DOK5: variants seen among roughly 807,000 people sequenced by gnomAD.
The protein encoded by DOK5 is downstream of tyrosine kinase 5.
Under a neutral mutation model 43.3 loss-of-function variants are expected in DOK5, and 27 were observed. The ratio of observed to expected loss-of-function variants is 0.62; its 90% confidence interval spans 0.46 to 0.86. The LOEUF is 0.86. DOK5 is among the 40% of genes least tolerant of loss of function. The probability of loss-of-function intolerance (pLI) is 0.00; values close to 1 mark genes in which losing one functional copy is unlikely to be tolerated. For missense variants in DOK5, 373 were observed against 392.9 expected (o/e 0.95, Z 0.43); for synonymous variants, 146 against 140.1 (o/e 1.04, Z -0.30).
chr20:54,492,058 T>A (rs893980510), intron 1 of DOK5, among the ~76,000 whole-genome samples: 3 of 151,830 alleles, frequency 2.0e-5, no homozygotes, highest in African/African-American at 7.3e-5. Context: ...GACATATATA[T>A]CATATATATA....
intron 5 of DOK5, among the ~76,000 whole-genome samples, chr20:54,605,011 AAATATAT>A (rs1327384349): frequency 2.7e-5 from 3 of 112,058 alleles, no homozygotes; most frequent in African/African-American, 1.6e-4. Context: ...CAAAAAAAAA[AAATATAT>A]ATATATACAC....
chr20:54,605,032 C>CACACACACACACACACGTAT (rs1986427045), intron 5 of DOK5, among the ~76,000 whole-genome samples: 1 of 142,940 alleles, frequency 7.0e-6, no homozygotes, highest in Non-Finnish European at 1.5e-5. Context: ...TATACACACA[C>CACACACACACACACACGTAT]ACACACACAC....
intron 1 of DOK5, among the ~76,000 whole-genome samples, chr20:54,509,837 C>A (rs941890229): frequency 6.6e-6 from 1 of 151,898 alleles, no homozygotes; most frequent in African/African-American, 2.4e-5. Flanking sequence ...CCACCTGTCC[C>A]GAAAACTAAT....
chr20:54,546,842 T>C (rs1342730064), intron 1 of DOK5, among the ~76,000 whole-genome samples: 3 of 152,172 alleles, frequency 2.0e-5, no homozygotes, highest in Non-Finnish European at 4.4e-5. Flanking sequence ...ACCTTAATTG[T>C]AGAACAGTGA....
At chr20:54,480,061 A>G (rs1981606849) in intron 1 of DOK5, among the ~76,000 whole-genome samples, 1 of 151,972 alleles carries the variant, frequency 6.6e-6, no homozygotes, top group Admixed American at 6.6e-5. Flanking sequence ...CTTCCTGCCT[A>G]CACTCTTGCT....
chr20:54,499,722 A>G (rs1010237604), intron 1 of DOK5, among the ~76,000 whole-genome samples: 4 of 152,248 alleles, frequency 2.6e-5, no homozygotes, highest in African/African-American at 9.6e-5. Context: ...TCCACCGTTT[A>G]TGGTTAATCA....
At chr20:54,541,887 C>T (rs1280515566) in intron 1 of DOK5, among the ~76,000 whole-genome samples, 2 of 152,068 alleles carry the variant, frequency 1.3e-5, no homozygotes, top group Non-Finnish European at 2.9e-5. Flanking sequence ...CCATTTATTT[C>T]TTCCACCTAG....
At chr20:54,567,604 T>C (rs377277499) in intron 2 of DOK5, among the ~76,000 whole-genome samples, 2 of 152,278 alleles carry the variant, frequency 1.3e-5, no homozygotes, top group South Asian at 4.1e-4. Context: ...TAATCTTTAA[T>C]ATTGGGTAGA....
At chr20:54,526,678 G>A (rs564303486) in intron 1 of DOK5, among the ~76,000 whole-genome samples, 13 of 152,226 alleles carry the variant, frequency 8.5e-5, no homozygotes, top group African/African-American at 3.1e-4. Flanking sequence ...ATTAAACTGT[G>A]TGTTTTTTTC....
At chr20:54,593,260 G>GA (rs11432564) in intron 5 of DOK5, among the ~76,000 whole-genome samples, 42,833 of 142,114 alleles carry the variant, frequency 0.3, 8,350 homozygotes, top group African/African-American at 0.56. Flanking sequence ...CTGTCTCCCA[G>GA]AAAAAAAAAA....
chr20:54,542,936 T>C (rs1984214059), intron 1 of DOK5, among the ~76,000 whole-genome samples: 1 of 152,192 alleles, frequency 6.6e-6, no homozygotes, highest in South Asian at 2.1e-4. Context: ...GGGAGCCCTC[T>C]GAAACTCAGA....
rs367854118 is a variant in DOK5, at chr20:54,594,154, CA to C, written c.599+2353del. ...TGCACAGGTACCCATGAACTTAAAA[CA>C]AAAGTTTTTTAAAAAAGAAAATAAG... On this transcript the variant is annotated intron_variant, in intron 5 of 7. Transcript: ENST00000262593. Among the ~76,000 whole-genome samples the C allele has an allele frequency of 1.7e-4, 26 of 152,104 alleles. No homozygotes were observed. The East Asian group carries it at 5.0e-3, about 29-fold the overall frequency.
rs543617694 is a variant in DOK5, at chr20:54,570,228, T to C, written c.174+15188T>C. 2.0e-5 allele frequency among the ~76,000 whole-genome samples: 3 copies of C among 152,200 alleles called. No individual in the cohort carries two copies. The South Asian group carries it at 6.2e-4, about 32-fold the overall frequency. ...AGAGTACTCTGCCATTTAAACATAATCGTATAAAAATAATTGTTATAATTT... is the reference window on the plus strand; with the variant it reads ...AGAGTACTCTGCCATTTAAACATAACCGTATAAAAATAATTGTTATAATTT... On this transcript the variant is annotated intron_variant, in intron 2 of 7. Transcript: ENST00000262593.
chr20:54,606,640 T>G (rs1286491114), intron 5 of DOK5, among the ~76,000 whole-genome samples: 1 of 152,204 alleles, frequency 6.6e-6, no homozygotes. Flanking sequence ...CATATGGTTT[T>G]GATGGAGGCA....
At chr20:54,508,885 T>C (rs1026104423) in intron 1 of DOK5, among the ~76,000 whole-genome samples, 1 of 151,090 alleles carries the variant, frequency 6.6e-6, no homozygotes, top group Non-Finnish European at 1.5e-5. Flanking sequence ...CAGCTATTTA[T>C]TTATTTTTTT....
chr20:54,627,179 A>C (rs1003265926), intron 6 of DOK5, among the ~76,000 whole-genome samples: 2 of 152,118 alleles, frequency 1.3e-5, no homozygotes, highest in Non-Finnish European at 1.5e-5. Context: ...GAGTCCCTGA[A>C]AATAAAAAAC....
chr20:54,625,516 G>A (rs952281067), intron 6 of DOK5, among the ~76,000 whole-genome samples: 5 of 152,204 alleles, frequency 3.3e-5, no homozygotes, highest in African/African-American at 1.2e-4. Context: ...CTTTCTATGA[G>A]AAATATGTAG....
intron 2 of DOK5, among the ~76,000 whole-genome samples, chr20:54,569,574 T>C (rs1186196177): frequency 3.3e-5 from 5 of 152,212 alleles, no homozygotes; most frequent in African/African-American, 4.8e-5. Flanking sequence ...TATCAGGTAA[T>C]AGCCTGCACC....
intron 2 of DOK5, among the ~76,000 whole-genome samples, chr20:54,576,907 T>G (rs955975133): frequency 2.6e-5 from 4 of 152,238 alleles, no homozygotes; most frequent in African/African-American, 9.6e-5. Context: ...TTCCAAGTGG[T>G]GTACTTTTAA....
Sources: allele counts gnomAD v4.1 joint callset (sites outside exome capture counted in the v4.1 genomes callset), GRCh38; gene constraint gnomAD v4.1.1; transcripts MANE v1.5; gene names NCBI Gene and HGNC (gene_info 2026-07-23, HGNC 2026-07-21).